MGAT5: variants seen among roughly 807,000 people sequenced by gnomAD.
The protein encoded by MGAT5 is alpha-1,6-mannosylglycoprotein 6-beta-N-acetylglucosaminyltransferase A.
In MGAT5, 30 loss-of-function variants were observed where a neutral mutation model predicts 94.3. The observed-to-expected ratio is 0.32, with a 90% CI of 0.24 to 0.43. The LOEUF is 0.43. Ranked by LOEUF, MGAT5 falls within the 20% of genes least tolerant of loss-of-function variation. The pLI, the probability that MGAT5 is intolerant of heterozygous loss-of-function variation, is 1.00. For missense variants in MGAT5, 691 were observed against 905.5 expected (o/e 0.76, Z 3.04); for synonymous variants, 310 against 322.9 (o/e 0.96, Z 0.43).
intron 8 of MGAT5, among the ~76,000 whole-genome samples, chr2:134,346,187 G>C (rs372935925): frequency 4.8e-4 from 73 of 152,092 alleles, no homozygotes; most frequent in African/African-American, 1.8e-3. Flanking sequence ...GAATCTACAC[G>C]GTATAGGCTT....
chr2:134,283,039 CT>C (rs1212765395), intron 2 of MGAT5, among the ~76,000 whole-genome samples: 1 of 150,728 alleles, frequency 6.6e-6, no homozygotes, highest in African/African-American at 2.4e-5. Flanking sequence ...ATTTATGTTT[CT>C]GCTAGGCTCA....
chr2:134,224,936 C>T lies in MGAT5; in HGVS notation c.-142-29326C>T, dbSNP rs774989437. 9.2e-5 allele frequency among the ~76,000 whole-genome samples: 14 copies of T among 151,930 alleles called. 1 individual carries two copies. The highest frequency in any genetic ancestry group is 6.3e-3 in the Middle Eastern group (2 of 316). On this transcript the variant is annotated intron_variant, in intron 1 of 16. Transcript: ENST00000409645. ...TCTACAAAAAATACAAAAAATTAGC[C>T]AGGTGTGGTGTTGTGCACCTGTAGT... is the stretch of plus-strand genomic sequence containing the variant.
intron 1 of MGAT5, among the ~76,000 whole-genome samples, chr2:134,239,995 G>A (rs1377694456): frequency 3.3e-5 from 5 of 151,888 alleles, no homozygotes; most frequent in South Asian, 4.2e-4. Context: ...GTAGTGTGTC[G>A]ATCTAGTAAA....
At chr2:134,397,914 C>T (rs1005892185) in intron 10 of MGAT5, among the ~76,000 whole-genome samples, 3 of 152,186 alleles carry the variant, frequency 2.0e-5, no homozygotes, top group African/African-American at 7.2e-5. Flanking sequence ...GTTACAGTAA[C>T]AGTAAAGTAC....
intron 1 of MGAT5, among the ~76,000 whole-genome samples, chr2:134,163,285 G>T (rs1051398970): frequency 1.3e-5 from 2 of 152,220 alleles, no homozygotes; most frequent in African/African-American, 4.8e-5. Flanking sequence ...GCCAGGGTTT[G>T]ATCTTAGAGA....
chr2:134,328,225 C>G (rs959870738), intron 4 of MGAT5, among the ~76,000 whole-genome samples: 1 of 152,056 alleles, frequency 6.6e-6, no homozygotes, highest in Non-Finnish European at 1.5e-5. Context: ...TTCTGCACCC[C>G]CCCTCACCCC....
Position 134,141,169 on chromosome 2 carries a change from C to G in MGAT5, c.-143+20878C>G, listed in dbSNP as rs138803565. 1.2e-3 allele frequency among the ~76,000 whole-genome samples: 184 copies of G among 152,256 alleles called. 1 individual carries two copies. Among genetic ancestry groups the G allele is most frequent in the African/African-American group, 4.2e-3 (174 of 41,526 alleles). The stretch of plus-strand genomic sequence containing the variant: ...CCTCTCGGTCTCACATGCTTTTCTA[C>G]CATGTTCTGACACAGCAAGAAGACC... On this transcript the variant is annotated intron_variant, in intron 1 of 16. Coordinates refer to the MGAT5 transcript ENST00000409645.
chr2:134,273,028 CGCGTGCGCGT>C (rs957728062), intron 2 of MGAT5, among the ~76,000 whole-genome samples: 119 of 123,694 alleles, frequency 9.6e-4, no homozygotes, highest in African/African-American at 3.6e-3. Context: ...TGTGCGCGCG[CGCGTGCGCGT>C]GCATGCATGC....
chr2:134,345,940 G>A (rs1688903945), intron 8 of MGAT5, among the ~76,000 whole-genome samples: 1 of 151,922 alleles, frequency 6.6e-6, no homozygotes, highest in African/African-American at 2.4e-5. Flanking sequence ...GTCTTTAAAA[G>A]TTTCCTTTAA....
chr2:134,172,096 T>G (rs1479811831), intron 1 of MGAT5, among the ~76,000 whole-genome samples: 2 of 152,296 alleles, frequency 1.3e-5, no homozygotes, highest in African/African-American at 4.8e-5. Flanking sequence ...TATTTTTTAC[T>G]TCATTCAATC....
chr2:134,366,458 C>T (rs550980780), intron 10 of MGAT5, among the ~76,000 whole-genome samples: 19 of 152,274 alleles, frequency 1.2e-4, no homozygotes, highest in African/African-American at 4.1e-4. Flanking sequence ...ACATGATCGC[C>T]GCTAAGGTAA....
chr2:134,308,316 A>C (rs1171549755), intron 2 of MGAT5, among the ~76,000 whole-genome samples: 1 of 152,174 alleles, frequency 6.6e-6, no homozygotes, highest in Non-Finnish European at 1.5e-5. Context: ...AGACCCAAAA[A>C]TTCAGGGTTG....
chr2:134,175,136 T>C (rs2139307), intron 1 of MGAT5, among the ~76,000 whole-genome samples: 24,412 of 152,226 alleles, frequency 0.16, 2,204 homozygotes, highest in South Asian at 0.22. Flanking sequence ...TCACCTGCAG[T>C]GTCCAGTTCT....
At chr2:134,277,036 T>C (rs1260174815) in intron 2 of MGAT5, among the ~76,000 whole-genome samples, 2 of 152,134 alleles carry the variant, frequency 1.3e-5, no homozygotes, top group Admixed American at 1.3e-4. Context: ...CCACAAGCCA[T>C]TTGTTTCAGA....
At chr2:134,161,708 C>T (rs150082524) in intron 1 of MGAT5, among the ~76,000 whole-genome samples, 47 of 152,194 alleles carry the variant, frequency 3.1e-4, no homozygotes, top group African/African-American at 4.8e-4. Flanking sequence ...GTTTGCATAT[C>T]GAGTTCAATC....
At chr2:134,137,814 T>G (rs534032215) in intron 1 of MGAT5, among the ~76,000 whole-genome samples, 3 of 152,276 alleles carry the variant, frequency 2.0e-5, no homozygotes, top group Non-Finnish European at 2.9e-5. Flanking sequence ...TACATTATAT[T>G]CTTACTGTTT....
At chr2:134,328,158 G>C (rs899172592) in intron 4 of MGAT5, among the ~76,000 whole-genome samples, 1 of 152,044 alleles carries the variant, frequency 6.6e-6, no homozygotes. Flanking sequence ...TTATCCTCTT[G>C]TTAGAACCCC....
At chr2:134,187,713 A>G (rs1217745596) in intron 1 of MGAT5, among the ~76,000 whole-genome samples, 2 of 152,248 alleles carry the variant, frequency 1.3e-5, no homozygotes, top group Non-Finnish European at 2.9e-5. Context: ...CAGGCAGCAA[A>G]TGTTCAAAAT....
At position 134,368,292 on chromosome 2, in the gene MGAT5, G is replaced by A. The variant is rs111733197; in HGVS notation, c.1380+5884G>A. 3.1e-3 allele frequency among the ~76,000 whole-genome samples: 470 copies of A among 152,338 alleles called. 3 individuals are homozygous for A. Among genetic ancestry groups the A allele is most frequent in the Middle Eastern group, 0.014 (4 of 294 alleles). ...GCTCCTGGCTGCCCACCGCAGGATC[G>A]CCAAGTCAGCGACAGCCTTGCAGCC... On this transcript the variant is annotated intron_variant, in intron 10 of 15. Transcript: ENST00000281923.
Sources: allele counts gnomAD v4.1 joint callset (sites outside exome capture counted in the v4.1 genomes callset), GRCh38; gene constraint gnomAD v4.1.1; transcripts MANE v1.5; gene names NCBI Gene and HGNC (gene_info 2026-07-23, HGNC 2026-07-21).